The following GOLGA4 variants were observed in gnomAD, a reference collection of about 807,000 sequenced individuals.
GOLGA4 encodes golgin A4.
GOLGA4 carries 169 observed loss-of-function variants against 265.9 expected under a neutral mutation model. The observed-to-expected ratio is 0.64, with a 90% CI of 0.56 to 0.72. The LOEUF (loss-of-function observed/expected upper bound fraction) is 0.72, where lower values mean the gene tolerates loss of function less well. GOLGA4 is among the 30% of genes least tolerant of loss of function. GOLGA4 has a pLI of 0.00. For synonymous variants in GOLGA4, 923 were observed against 855.8 expected, an observed-to-expected ratio of 1.08 and a Z score of -1.37; for missense variants, 2,482 against 2,483.4, an observed-to-expected ratio of 1.00 and a Z score of 0.01.
At position 37,298,978 on chromosome 3, in the gene GOLGA4, A is replaced by G; in HGVS notation, c.960A>G (p.Gln320=). Residue 320 remains glutamine (Q), a synonymous_variant, in exon 8 of 24, where the codon CAA becomes CAG. Transcript: ENST00000361924. The part of the protein sequence containing the change: ...TLLTSEKEAL[Q]EQLDERLQEL... ...TAACTAGTGAAAAAGAAGCTCTGCA[A>G]GAACAACTGGATGAAAGACTTCAAG... 1.2e-6 allele frequency: 2 copies of G among 1,602,522 alleles called. No homozygotes were observed. Among genetic ancestry groups the G allele is most frequent in the Non-Finnish European group, 1.7e-6 (2 of 1,177,256 alleles).
chr3:37,283,903 A>G (rs901808956), intron 3 of GOLGA4, among the ~76,000 whole-genome samples: 2 of 152,154 alleles, frequency 1.3e-5, no homozygotes, highest in African/African-American at 2.4e-5. Flanking sequence ...TTTGTAGAAG[A>G]AGGATTGGAG....
rs1180283007 is a variant in GOLGA4 at position 37,325,376 on chromosome 3, G to C, written c.3490G>C (p.Ala1164Pro). Residue 1164 changes from alanine (A) to proline (P), a missense_variant, in exon 14 of 24, where the codon GCA becomes CCA. By Grantham distance (27) the Ala-to-Pro change is conservative (BLOSUM62 -1). Coordinates refer to ENST00000361924, the MANE Select transcript of GOLGA4 (RefSeq NM_002078.5). ...QEQLVELKML[A>P]EEDKRKVSEL... ...GCAGCTAGTTGAACTGAAGATGCTG[G>C]CAGAAGAAGATAAGCGGAAGGTTTC... 2 of 1,612,938 alleles carry C rather than the reference G, an allele frequency of 1.2e-6. No homozygotes were observed. Among genetic ancestry groups the C allele is most frequent in the Non-Finnish European group, 1.7e-6 (2 of 1,179,538 alleles).
intron 8 of GOLGA4, 126 bp from the exon 9 acceptor site, chr3:37,299,162 T>G (rs1183085483): frequency 2.1e-5 from 19 of 899,166 alleles, no homozygotes; most frequent in Non-Finnish European, 6.9e-6. Context: ...CACCAAACCT[T>G]GAGACTTACT....
Position 37,325,990 on chromosome 3 carries a change from G to C in GOLGA4, c.4104G>C (p.Glu1368Asp). The C allele has an allele frequency of 6.2e-7, 1 of 1,612,972 alleles. No homozygotes were observed. Among genetic ancestry groups the C allele is most frequent in the African/African-American group, 1.3e-5 (1 of 74,980 alleles). Residue 1368 changes from glutamate to aspartate, a missense_variant, in exon 14 of 24, where the codon GAG becomes GAC. Glu to Asp is a conservative substitution (Grantham distance 45, BLOSUM62 2). Coordinates refer to ENST00000361924, the MANE Select transcript of GOLGA4 (RefSeq NM_002078.5). ...AAGAGCTTAAAGAAAAAAAAGTTGAGATTAGCAGTCTTAGTAAACAACTAA... is the reference window on the plus strand; with the variant it reads ...AAGAGCTTAAAGAAAAAAAAGTTGACATTAGCAGTCTTAGTAAACAACTAA... ...MKEELKEKKV[E>D]ISSLSKQLTD...
At chr3:37,342,931 G>A (rs554913359) in intron 20 of GOLGA4, among the ~76,000 whole-genome samples, 110 of 152,088 alleles carry the variant, frequency 7.2e-4, no homozygotes, top group Non-Finnish European at 8.1e-4. Context: ...ATGAAGTCTC[G>A]CTCTGTTGCC....
At position 37,326,171 on chromosome 3, in the gene GOLGA4, A is replaced by C; in HGVS notation, c.4285A>C (p.Ile1429Leu). Residue 1429 changes from isoleucine to leucine, a missense_variant, in exon 14 of 24, where the codon ATT becomes CTT. By Grantham distance (5) the Ile-to-Leu change is conservative. Transcript: ENST00000361924. ...AGTTGACACTCTGAGTAAAGAGAAA[A>C]TTTCTGCTCTTGAGCAGGTAGATGA... ...FKVDTLSKEK[I>L]SALEQVDDWS... 1 of 1,613,412 alleles carries C rather than the reference A, an allele frequency of 6.2e-7. No individual in the cohort carries two copies. The highest frequency in any genetic ancestry group is 8.5e-7 in the Non-Finnish European group (1 of 1,179,524).
At chr3:37,276,908 C>G (rs2096820900) in intron 2 of GOLGA4, among the ~76,000 whole-genome samples, 1 of 152,014 alleles carries the variant, frequency 6.6e-6, no homozygotes, top group Non-Finnish European at 1.5e-5. Context: ...AACTTTTTTT[C>G]TTTTACACTG....
rs142555202 is a variant in GOLGA4 at position 37,302,303 on chromosome 3, G to T, written c.1205G>T (p.Arg402Leu). 8 of 1,613,716 alleles carry T rather than the reference G, an allele frequency of 5.0e-6. No individual in the cohort carries two copies. The highest frequency in any genetic ancestry group is 5.1e-6 in the Non-Finnish European group (6 of 1,179,708). ...KQMTTQGEEL[R>L]EQKEKSERAA... ...ATGACTACCCAGGGAGAGGAATTAC[G>T]GGAACAGAAAGAAAAGTCCGAAAGA... Residue 402 changes from arginine (R) to leucine (L), a missense_variant, in exon 10 of 24, where the codon CGG (arginine) becomes CTG (leucine). By Grantham distance (102) the Arg-to-Leu change is moderately radical. Around this residue, in one of 3 missense-constraint regions of GOLGA4, gnomAD observed 1,536 missense variants for 1,483.7 expected, o/e 1.04. Transcript: ENST00000361924.
chr3:37,243,493 C>T lies in GOLGA4; in HGVS notation c.-58C>T. 3 of 1,506,494 alleles carry T rather than the reference C, an allele frequency of 2.0e-6. No individual in the cohort carries two copies. The highest frequency in any genetic ancestry group is 2.3e-5 in the East Asian group (1 of 44,330). 93.3% of individuals were successfully genotyped at this position (1,506,494 alleles called of 1,614,324 possible). On this transcript the variant is annotated 5_prime_UTR_variant, in exon 1 of 24. Coordinates refer to ENST00000361924, the MANE Select transcript of GOLGA4 (RefSeq NM_002078.5). The stretch of plus-strand genomic sequence containing the variant: ...CGCCGTAGCCGTCGCGGCCGGGACT[C>T]CCCGGGCTCTCGCCCTTCAGGTTTC...
At chr3:37,268,680 G>T (rs565676546) in intron 2 of GOLGA4, among the ~76,000 whole-genome samples, 1 of 151,624 alleles carries the variant, frequency 6.6e-6, no homozygotes, top group Non-Finnish European at 1.5e-5. Flanking sequence ...CAGGTGATCC[G>T]CCCACTTCAG....
At chr3:37,264,967 T>C (rs2137852) in intron 2 of GOLGA4, among the ~76,000 whole-genome samples, 1 of 152,150 alleles carries the variant, frequency 6.6e-6, no homozygotes, top group African/African-American at 2.4e-5. Context: ...ACATCTTTTG[T>C]GGGGGAGGCC....
At chr3:37,362,552 T>TA (rs1559480060) in intron 23 of GOLGA4, among the ~76,000 whole-genome samples, 1 of 151,436 alleles carries the variant, frequency 6.6e-6, no homozygotes, top group African/African-American at 2.4e-5. Context: ...TATTTTTTTT[T>TA]AAAAAATAAG....
intron 12 of GOLGA4, among the ~76,000 whole-genome samples, chr3:37,321,105 A>G (rs1398337104): frequency 2.0e-5 from 3 of 152,160 alleles, no homozygotes; most frequent in Non-Finnish European, 4.4e-5. Context: ...TTAACATTTA[A>G]TATGTTAATT....
At chr3:37,276,356 A>G (rs570005375) in intron 2 of GOLGA4, 9 of 1,607,428 alleles carry the variant, frequency 5.6e-6, no homozygotes, top group Middle Eastern at 1.7e-4. Context: ...CTTATTTGCT[A>G]GAATGACAGC....
At chr3:37,298,202 C>T (rs2096883690) in intron 7 of GOLGA4, among the ~76,000 whole-genome samples, 1 of 152,080 alleles carries the variant, frequency 6.6e-6, no homozygotes, top group Non-Finnish European at 1.5e-5. Flanking sequence ...CGAGTGTGCA[C>T]GTGACCAGAG....
At chr3:37,246,310 A>G (rs936375309) in intron 1 of GOLGA4, among the ~76,000 whole-genome samples, 1 of 151,894 alleles carries the variant, frequency 6.6e-6, no homozygotes, top group Non-Finnish European at 1.5e-5. Flanking sequence ...CCGTCTCAAA[A>G]AAAAAAAAAA....
At position 37,325,159 on chromosome 3, in the gene GOLGA4, C is replaced by G. The variant is rs757546295; in HGVS notation, c.3273C>G (p.Asn1091Lys). ...TTGGGTGTGAAAAAGAAGAGATGAA[C>G]AAGGAAATAACATGGCTGAAGGAAG... ...LLFGCEKEEMNKEITWLKEEG... is the reference protein window; with the variant it reads ...LLFGCEKEEMKKEITWLKEEG... Residue 1091 changes from asparagine (N) to lysine (K), a missense_variant, in exon 14 of 24, where the codon AAC becomes AAG. By Grantham distance (94) the Asn-to-Lys change is moderately conservative (BLOSUM62 0). Coordinates refer to ENST00000361924, the MANE Select transcript of GOLGA4 (RefSeq NM_002078.5). 1 of 1,613,526 alleles carries G rather than the reference C, an allele frequency of 6.2e-7. No homozygotes were observed.
intron 20 of GOLGA4, among the ~76,000 whole-genome samples, chr3:37,343,709 A>G (rs1430045056): frequency 6.6e-6 from 1 of 152,234 alleles, no homozygotes; most frequent in East Asian, 1.9e-4. Context: ...GTCTCCCTGG[A>G]GTCCTCTGTT....
chr3:37,328,356 T>G, intron 14 of GOLGA4, 60 bp from the exon 15 acceptor site: 1 of 1,559,092 alleles, frequency 6.4e-7, no homozygotes. Context: ...AAAGACCAGG[T>G]AGCTCCTTGC....
Sources: allele counts gnomAD v4.1 joint callset (sites outside exome capture counted in the v4.1 genomes callset), GRCh38; gene constraint gnomAD v4.1.1; regional missense constraint gnomAD v4.1.1; transcripts MANE v1.5; gene names NCBI Gene and HGNC (gene_info 2026-07-23, HGNC 2026-07-21).